The following STK32A variants were observed in gnomAD, a reference collection of about 807,000 sequenced individuals.
STK32A encodes serine/threonine kinase 32A.
STK32A carries 41 observed loss-of-function variants against 53.2 expected under a neutral mutation model. The observed-to-expected ratio is 0.77, with a 90% CI of 0.60 to 1.00. STK32A has a LOEUF of 1.00. STK32A is among the 50% of genes least tolerant of loss of function. STK32A has a pLI of 0.00. For synonymous variants in STK32A, 166 were observed against 162.8 expected, an observed-to-expected ratio of 1.02 and a Z score of -0.15; for missense variants, 458 against 485.8, an observed-to-expected ratio of 0.94 and a Z score of 0.54.
At chr5:147,258,560 A>G (rs1754344201) in intron 2 of STK32A, among the ~76,000 whole-genome samples, 1 of 152,174 alleles carries the variant, frequency 6.6e-6, no homozygotes, top group African/African-American at 2.4e-5. Context: ...ACTTTCACAG[A>G]CAATTCTTTG....
At chr5:147,331,069 G>T (rs1324854954) in intron 5 of STK32A, among the ~76,000 whole-genome samples, 1 of 152,154 alleles carries the variant, frequency 6.6e-6, no homozygotes, top group Non-Finnish European at 1.5e-5. Context: ...TTTAGTCAAT[G>T]ATCATTGAGT....
chr5:147,260,164 TCTCTCTCTCTCTCTC>T (rs537848759), intron 2 of STK32A, among the ~76,000 whole-genome samples: 4,775 of 61,856 alleles, frequency 0.077, 185 homozygotes, highest in East Asian at 0.091. Context: ...CTCCTCTCTG[TCTCTCTCTCTCTCTC>T]CTCTCTCTCT....
At position 147,299,026 on chromosome 5, in the gene STK32A, A is replaced by C. The variant is rs146361792; in HGVS notation, c.260+19628A>C. Among the ~76,000 whole-genome samples, 669 of 152,176 alleles carry C rather than the reference A, an allele frequency of 4.4e-3. 6 individuals carry two copies. The highest frequency in any genetic ancestry group is 0.014 in the African/African-American group (568 of 41,532). ...GCAGTCCTGATCCATACCCCAAGAG[A>C]GGGTTCTTGGATCTCACGCAAGAAA... On this transcript the variant is annotated intron_variant, in intron 4 of 12. Coordinates refer to ENST00000397936, the MANE Select transcript of STK32A (RefSeq NM_001112724.2).
At chr5:147,351,236 A>C in intron 7 of STK32A, 82 bp downstream of exon 7, 1 of 1,221,070 alleles carries the variant, frequency 8.2e-7, no homozygotes. Flanking sequence ...GGGGATTTGC[A>C]GCTAGAACTG....
At chr5:147,348,940 A>C (rs965717642) in intron 6 of STK32A, 2 of 498,654 alleles carry the variant, frequency 4.0e-6, no homozygotes, top group African/African-American at 3.9e-5. Context: ...TGACGTTTTC[A>C]AGGTAACACA....
chr5:147,357,901 T>C (rs1420081188), intron 7 of STK32A, among the ~76,000 whole-genome samples: 10 of 152,112 alleles, frequency 6.6e-5, no homozygotes, highest in Admixed American at 6.6e-4. Flanking sequence ...ATTTTTGTGC[T>C]AATATCTATA....
intron 4 of STK32A, among the ~76,000 whole-genome samples, chr5:147,299,258 G>C (rs1239144991): frequency 3.3e-5 from 5 of 152,098 alleles, no homozygotes; most frequent in African/African-American, 1.2e-4. Flanking sequence ...CATTGCCATG[G>C]CATTTGTAAA....
chr5:147,373,962 A>C (rs1192245255), intron 10 of STK32A, among the ~76,000 whole-genome samples: 1 of 152,146 alleles, frequency 6.6e-6, no homozygotes, highest in East Asian at 1.9e-4. Flanking sequence ...TATATTGGGC[A>C]GAATAAGAGG....
At chr5:147,375,861 C>G (rs2152005666) in intron 11 of STK32A, 1 of 152,280 alleles carries the variant, frequency 6.6e-6, no homozygotes, top group South Asian at 2.1e-4. Flanking sequence ...ATTTTATACT[C>G]ACATGTGGCT....
chr5:147,383,335 T>A lies in STK32A; in HGVS notation c.1033-106T>A. ...TTTGAAGATACTACTTACTTCTCAA[T>A]TTGGGGCTATTCATTGAATAGACTG... On this transcript the variant is annotated intron_variant, in intron 11 of 12. Transcript: ENST00000397936. The A allele has an allele frequency of 4.4e-6, 4 of 903,420 alleles. No individual in the cohort carries two copies. The South Asian group carries it at 6.0e-5, about 14-fold the overall frequency. 56.0% of individuals were successfully genotyped at this position (903,420 alleles called of 1,614,324 possible).
chr5:147,338,464 C>T (rs1005552734), intron 5 of STK32A, among the ~76,000 whole-genome samples: 17 of 152,030 alleles, frequency 1.1e-4, no homozygotes, highest in Admixed American at 1.0e-3. Context: ...ACTAATAAAG[C>T]CAATTGGTAT....
intron 7 of STK32A, among the ~76,000 whole-genome samples, chr5:147,357,664 C>A (rs1756313427): frequency 6.6e-6 from 1 of 151,948 alleles, no homozygotes; most frequent in Non-Finnish European, 1.5e-5. Context: ...TGATGCTTTT[C>A]TTAGCAAGAC....
intron 2 of STK32A, among the ~76,000 whole-genome samples, chr5:147,271,087 C>T (rs1209806651): frequency 6.6e-6 from 1 of 152,040 alleles, no homozygotes; most frequent in Non-Finnish European, 1.5e-5. Flanking sequence ...TGTCCGCCTC[C>T]TGGGTTCAAG....
chr5:147,299,517 C>G (rs1009926756), intron 4 of STK32A, among the ~76,000 whole-genome samples: 1 of 152,150 alleles, frequency 6.6e-6, no homozygotes. Context: ...CTGGTTCACA[C>G]GCCTCTGACA....
chr5:147,258,790 T>TTACA (rs1754353294), intron 2 of STK32A, among the ~76,000 whole-genome samples: 1 of 152,178 alleles, frequency 6.6e-6, no homozygotes, highest in African/African-American at 2.4e-5. Context: ...ATAATACATG[T>TTACA]TACACTGTTA....
chr5:147,353,691 C>T (rs960987915), intron 7 of STK32A, among the ~76,000 whole-genome samples: 3 of 151,980 alleles, frequency 2.0e-5, no homozygotes, highest in Non-Finnish European at 4.4e-5. Flanking sequence ...ACCTGGGAGG[C>T]GGAGGTTGCA....
chr5:147,240,422 C>T (rs769713252), intron 2 of STK32A, among the ~76,000 whole-genome samples: 11 of 152,148 alleles, frequency 7.2e-5, no homozygotes, highest in Non-Finnish European at 1.2e-4. Context: ...GGAGCTCTTC[C>T]GAGTAATTCC....
intron 1 of STK32A, among the ~76,000 whole-genome samples, chr5:147,237,122 C>T (rs1156375769): frequency 6.6e-6 from 1 of 152,042 alleles, no homozygotes; most frequent in Admixed American, 6.6e-5. Context: ...ACCATCCTGG[C>T]TAACATGGTG....
intron 5 of STK32A, among the ~76,000 whole-genome samples, chr5:147,326,124 T>A (rs1754574952): frequency 6.6e-6 from 1 of 152,202 alleles, no homozygotes; most frequent in Non-Finnish European, 1.5e-5. Flanking sequence ...AAAATATTGA[T>A]ACAATTTTTC....
Sources: gnomAD v4.1 joint callset for allele counts (sites outside exome capture counted in the v4.1 genomes callset) on GRCh38, gnomAD v4.1.1 for gene constraint, MANE v1.5 for transcripts, NCBI Gene and HGNC (gene_info 2026-07-23, HGNC 2026-07-21) for gene names.